NCAM2: variants seen among roughly 807,000 people sequenced by gnomAD.
NCAM2 encodes N-CAM-2.
Under a neutral mutation model 98.1 loss-of-function variants are expected in NCAM2, and 30 were observed. That is an observed-to-expected ratio of 0.31 (90% CI 0.23 to 0.41). The LOEUF is 0.41. NCAM2 is among the 10% of genes least tolerant of loss of function. The probability of loss-of-function intolerance (pLI) is 1.00; values close to 1 mark genes in which losing one functional copy is unlikely to be tolerated. For missense variants in NCAM2, 867 were observed against 1,005.8 expected (o/e 0.86, Z 1.87); for synonymous variants, 368 against 342.4 (o/e 1.07, Z -0.83).
chr21:21,009,259 G>C (rs1318521178), intron 1 of NCAM2, among the ~76,000 whole-genome samples: 1 of 152,064 alleles, frequency 6.6e-6, no homozygotes, highest in Admixed American at 6.5e-5. Context: ...GAAAATACAT[G>C]ATATGTTGGC....
intron 1 of NCAM2, among the ~76,000 whole-genome samples, chr21:21,073,835 G>C (rs576286616): frequency 6.6e-6 from 1 of 152,106 alleles, no homozygotes; most frequent in African/African-American, 2.4e-5. Context: ...ATATATGCTC[G>C]TTTCCAGTCC....
intron 1 of NCAM2, among the ~76,000 whole-genome samples, chr21:21,123,188 G>A (rs893906443): frequency 8.5e-5 from 13 of 152,070 alleles, no homozygotes; most frequent in Non-Finnish European, 1.8e-4. Context: ...GAGGTCAGCA[G>A]GTCGAGACCA....
intron 1 of NCAM2, among the ~76,000 whole-genome samples, chr21:21,208,695 A>AG (rs1008630230): frequency 6.6e-6 from 1 of 152,162 alleles, no homozygotes; most frequent in Admixed American, 6.6e-5. Context: ...TAAGAAAAAA[A>AG]AAATCTTTGA....
intron 1 of NCAM2, among the ~76,000 whole-genome samples, chr21:21,100,709 C>T (rs1473035962): frequency 6.6e-6 from 1 of 151,978 alleles, no homozygotes; most frequent in Non-Finnish European, 1.5e-5. Flanking sequence ...TTTCATTGTG[C>T]TTAAACTGCC....
At chr21:21,194,957 T>C (rs540162397) in intron 1 of NCAM2, among the ~76,000 whole-genome samples, 1 of 152,312 alleles carries the variant, frequency 6.6e-6, no homozygotes, top group Admixed American at 6.5e-5. Flanking sequence ...TCTCTGCTTC[T>C]AAGAATTCAA....
intron 1 of NCAM2, among the ~76,000 whole-genome samples, chr21:21,048,405 TA>T (rs2065040793): frequency 1.3e-5 from 2 of 151,742 alleles, no homozygotes. Context: ...CAGACTGGAG[TA>T]CAGTGGCGCA....
chr21:21,159,635 G>C (rs1459546927), intron 1 of NCAM2, among the ~76,000 whole-genome samples: 6 of 152,134 alleles, frequency 3.9e-5, no homozygotes, highest in Admixed American at 3.3e-4. Flanking sequence ...GGCTAGGTGT[G>C]TAGTAGGCTA....
chr21:21,284,101 A>T, intron 2 of NCAM2, 93 bp from the exon 3 acceptor site: 4 of 929,384 alleles, frequency 4.3e-6, no homozygotes, highest in South Asian at 1.7e-5. Flanking sequence ...TTTTTTTCTA[A>T]ATGGTTAATA....
chr21:21,453,858 A>G (rs1569081076), intron 12 of NCAM2, among the ~76,000 whole-genome samples: 1 of 152,092 alleles, frequency 6.6e-6, no homozygotes, highest in Non-Finnish European at 1.5e-5. Context: ...CTTAGAATAT[A>G]AGGCGATGTT....
chr21:21,229,459 T>C (rs1160032909), intron 1 of NCAM2, among the ~76,000 whole-genome samples: 1 of 151,526 alleles, frequency 6.6e-6, no homozygotes, highest in African/African-American at 2.4e-5. Context: ...TTTCTATTGC[T>C]TTCTTTGTGT....
At chr21:21,268,512 A>T (rs193254421) in intron 1 of NCAM2, among the ~76,000 whole-genome samples, 70 of 152,314 alleles carry the variant, frequency 4.6e-4, no homozygotes, top group African/African-American at 1.7e-3. Context: ...TCTCAAACAC[A>T]TGCATTCACA....
chr21:21,214,686 T>C (rs1488441768), intron 1 of NCAM2, among the ~76,000 whole-genome samples: 1 of 141,088 alleles, frequency 7.1e-6, no homozygotes, highest in Non-Finnish European at 1.5e-5. Context: ...GTGCTAGACA[T>C]TTCTCTGGTA....
intron 16 of NCAM2, among the ~76,000 whole-genome samples, chr21:21,517,857 A>G (rs1009188216): frequency 1.3e-5 from 2 of 152,182 alleles, no homozygotes; most frequent in South Asian, 4.1e-4. Context: ...AAATAAAAAT[A>G]AAGTAAAATA....
chr21:21,210,755 A>T, intron 1 of NCAM2: 3 of 766,258 alleles, frequency 3.9e-6, no homozygotes, highest in Non-Finnish European at 5.3e-6. Flanking sequence ...TTGAAAGGCA[A>T]TGAGGTGGAG....
intron 15 of NCAM2, among the ~76,000 whole-genome samples, chr21:21,493,357 T>C (rs1442587183): frequency 6.6e-6 from 1 of 151,920 alleles, no homozygotes; most frequent in Non-Finnish European, 1.5e-5. Flanking sequence ...AATAGAGATA[T>C]CACCATTGCA....
At chr21:21,369,012 G>A (rs1485309190) in intron 8 of NCAM2, among the ~76,000 whole-genome samples, 3 of 151,700 alleles carry the variant, frequency 2.0e-5, no homozygotes, top group Non-Finnish European at 4.4e-5. Context: ...CCATTAAACT[G>A]TGCAATTAAA....
At chr21:21,258,877 T>C (rs1283558575) in intron 1 of NCAM2, among the ~76,000 whole-genome samples, 2 of 152,094 alleles carry the variant, frequency 1.3e-5, no homozygotes, top group Non-Finnish European at 2.9e-5. Flanking sequence ...CGTCTAGGTT[T>C]GGGCTGCCCC....
At chr21:21,219,888 G>A (rs1410964355) in intron 1 of NCAM2, among the ~76,000 whole-genome samples, 2 of 151,974 alleles carry the variant, frequency 1.3e-5, no homozygotes, top group Non-Finnish European at 2.9e-5. Flanking sequence ...CTTGATCCTA[G>A]GCTAATGTAT....
chr21:21,058,357 C>G (rs569669447), intron 1 of NCAM2, among the ~76,000 whole-genome samples: 1 of 152,130 alleles, frequency 6.6e-6, no homozygotes, highest in Non-Finnish European at 1.5e-5. Context: ...AATTCCTAAA[C>G]CTAGTTTCAC....
Sources: gnomAD v4.1 joint callset for allele counts (sites outside exome capture counted in the v4.1 genomes callset) on GRCh38, gnomAD v4.1.1 for gene constraint, MANE v1.5 for transcripts, NCBI Gene and HGNC (gene_info 2026-07-23, HGNC 2026-07-21) for gene names.